The following PCDHGB3 variants were observed in gnomAD, a reference collection of about 807,000 sequenced individuals.
The protein encoded by PCDHGB3 is protocadherin gamma subfamily B, 3, also known as protocadherin gamma-B3.
Under a neutral mutation model 59.2 loss-of-function variants are expected in PCDHGB3, and 40 were observed. The ratio of observed to expected loss-of-function variants is 0.68; its 90% confidence interval spans 0.52 to 0.88. The LOEUF is 0.88. Ranked by LOEUF, PCDHGB3 falls within the 40% of genes least tolerant of loss-of-function variation. The probability of loss-of-function intolerance (pLI) is 0.00; values close to 1 mark genes in which losing one functional copy is unlikely to be tolerated. For missense variants in PCDHGB3, 1,309 were observed against 1,187.9 expected (o/e 1.10, Z -1.50); for synonymous variants, 581 against 503.6 (o/e 1.15, Z -2.06).
intron 2 of PCDHGB3, among the ~76,000 whole-genome samples, chr5:141,502,067 CCTTCACCTGGGG>C (rs1307097799): frequency 6.6e-6 from 1 of 152,172 alleles, no homozygotes; most frequent in Non-Finnish European, 1.5e-5. Flanking sequence ...CCATTAGCCC[CCTTCACCTGGGG>C]CTGAGAACAC....
rs372054375 is a variant in PCDHGB3, at chr5:141,490,825, A to T, written c.2416-3982A>T. 9 of 1,613,692 alleles carry T rather than the reference A, an allele frequency of 5.6e-6. No individual in the cohort carries two copies. The highest frequency in any genetic ancestry group is 3.3e-4 in the Middle Eastern group (2 of 6,062). On this transcript the variant is annotated intron_variant, in intron 1 of 3. Transcript: ENST00000576222. This position sits in a 1 kb window ranked among gnomAD's most constrained non-coding sequence, Gnocchi z 5.4. ...TACCTTTGACTATGAATTGCTGCAG[A>T]TGCTGCAGATTGTGGTGGGGGTTCG... is the stretch of plus-strand genomic sequence containing the variant.
At chr5:141,483,980 G>A (rs1379963326) in intron 1 of PCDHGB3, among the ~76,000 whole-genome samples, 4 of 148,294 alleles carry the variant, frequency 2.7e-5, no homozygotes, top group Non-Finnish European at 5.9e-5. Flanking sequence ...CAAGGGAGTA[G>A]CTAGGTTGCT....
At chr5:141,389,811 G>A in intron 1 of PCDHGB3, 1 of 1,613,822 alleles carries the variant, frequency 6.2e-7, no homozygotes, top group Non-Finnish European at 8.5e-7. Flanking sequence ...CCTTCTGGTC[G>A]CCGTGCGTGA....
intron 1 of PCDHGB3, chr5:141,393,821 G>A: frequency 6.2e-7 from 1 of 1,613,734 alleles, no homozygotes; most frequent in South Asian, 1.1e-5. Context: ...TGCTCATTTC[G>A]GTGGAAGATG....
chr5:141,508,540 G>A (rs993826709), intron 3 of PCDHGB3, among the ~76,000 whole-genome samples: 3 of 152,144 alleles, frequency 2.0e-5, no homozygotes, highest in African/African-American at 4.8e-5. Flanking sequence ...CCCCCCACGA[G>A]GTGGGCGGGG....
At chr5:141,376,137 A>G (rs1342753731) in intron 1 of PCDHGB3, 6 of 1,613,156 alleles carry the variant, frequency 3.7e-6, no homozygotes, top group South Asian at 1.1e-5. Context: ...GCCAAACCCA[A>G]CGATTCGGAC....
Position 141,370,773 on chromosome 5 carries a change from AACG to A in PCDHGB3, c.382_384del (p.Asp128del). 1.2e-6 allele frequency: 2 copies of A among 1,614,002 alleles called. No individual in the cohort carries two copies. Among genetic ancestry groups the A allele is most frequent in the Non-Finnish European group, 1.7e-6 (2 of 1,179,898 alleles). On this transcript the variant is annotated inframe_deletion, in exon 1 of 4. Transcript: ENST00000576222. ...TGTAACTGTGCTGATCCAGGATATT[AACG>A]ACAACCCACCGACCTTTAGCCAAAA...
chr5:141,410,645 A>G (rs755117096), intron 1 of PCDHGB3: 11 of 1,597,402 alleles, frequency 6.9e-6, no homozygotes, highest in Non-Finnish European at 9.3e-6. Flanking sequence ...TTTGTGTGTG[A>G]TTTATCTAAT....
chr5:141,399,665 A>T, intron 1 of PCDHGB3: 14 of 1,613,648 alleles, frequency 8.7e-6, no homozygotes, highest in Non-Finnish European at 1.2e-5. Flanking sequence ...GTGTTCGCGC[A>T]GCGCGCCTTT....
chr5:141,452,749 G>A (rs1453824335), intron 1 of PCDHGB3, among the ~76,000 whole-genome samples: 1 of 152,052 alleles, frequency 6.6e-6, no homozygotes, highest in African/African-American at 2.4e-5. Flanking sequence ...AGAGAAGGAA[G>A]AAGGAAGGGA....
chr5:141,376,711 G>A lies in PCDHGB3; in HGVS notation c.2415+3902G>A, dbSNP rs1369731526. 2.9e-5 allele frequency: 18 copies of A among 622,360 alleles called. No homozygotes were observed. The South Asian group carries it at 3.6e-4, about 12-fold the overall frequency. 38.6% of individuals were successfully genotyped at this position (622,360 alleles called of 1,614,324 possible). On this transcript the variant is annotated intron_variant, in intron 1 of 3. Coordinates refer to ENST00000576222, the MANE Select transcript of PCDHGB3 (RefSeq NM_018924.5). ...TTTTTTTTTTTTGAGACGGAGTCTC[G>A]CTCTGTCGCCCAGGCCGGACTGCGG...
chr5:141,486,728 G>T lies in PCDHGB3; in HGVS notation c.2416-8079G>T. On this transcript the variant is annotated intron_variant, in intron 1 of 3. Coordinates refer to ENST00000576222, the MANE Select transcript of PCDHGB3 (RefSeq NM_018924.5). This position sits in a 1 kb window ranked among gnomAD's most constrained non-coding sequence, Gnocchi z 5.0. Reference sequence around the variant, plus strand: ...GAACCCCCAGACAGGAGCTGTTCATGCTACTCGATCCTTTGACTATGAGCA... The same window carrying T: ...GAACCCCCAGACAGGAGCTGTTCATTCTACTCGATCCTTTGACTATGAGCA... The T allele has an allele frequency of 6.2e-7, 1 of 1,614,200 alleles. No individual in the cohort carries two copies. The highest frequency in any genetic ancestry group is 8.5e-7 in the Non-Finnish European group (1 of 1,180,052).
chr5:141,469,834 T>C (rs1228732202), intron 1 of PCDHGB3, among the ~76,000 whole-genome samples: 4 of 152,068 alleles, frequency 2.6e-5, no homozygotes, highest in African/African-American at 9.7e-5. Context: ...ACATAAAACT[T>C]ATTCTTAAGA....
Position 141,485,468 on chromosome 5 carries a change from A to G in PCDHGB3, c.2416-9339A>G. On this transcript the variant is annotated intron_variant, in intron 1 of 3. Coordinates refer to ENST00000576222, the MANE Select transcript of PCDHGB3 (RefSeq NM_018924.5). This position sits in a 1 kb window ranked among gnomAD's most constrained non-coding sequence, Gnocchi z 5.7. The stretch of plus-strand genomic sequence containing the variant: ...CGACCGAGAGGCACTGTGTGGGCTC[A>G]GTGCCAGCTGCATCGTGCCCCTGGA... 1 of 1,614,166 alleles carries G rather than the reference A, an allele frequency of 6.2e-7. No homozygotes were observed. Among genetic ancestry groups the G allele is most frequent in the Non-Finnish European group, 8.5e-7 (1 of 1,180,020 alleles).
In PCDHGB3 at chr5:141,490,794, C is replaced by G. The variant is rs763933771; in HGVS notation, c.2416-4013C>G. The G allele has an allele frequency of 5.0e-6, 8 of 1,613,976 alleles. No individual in the cohort carries two copies. In the South Asian group the frequency reaches 7.7e-5, roughly 16 times the overall value. ...ACCCAGAGGATGGACGGATCTTTGCCCAGCGTACCTTTGACTATGAATTGC... is the reference window on the plus strand; with the variant it reads ...ACCCAGAGGATGGACGGATCTTTGCGCAGCGTACCTTTGACTATGAATTGC... On this transcript the variant is annotated intron_variant, in intron 1 of 3. Transcript: ENST00000576222. The surrounding 1 kb of genome is among the most constrained non-coding windows in gnomAD (Gnocchi z 5.4).
At chr5:141,389,424 G>T in intron 1 of PCDHGB3, 1 of 1,613,510 alleles carries the variant, frequency 6.2e-7, no homozygotes, top group Non-Finnish European at 8.5e-7. Context: ...GGTGGTGTTC[G>T]CGCAGCGCGC....
At chr5:141,427,266 G>A (rs753905641) in intron 1 of PCDHGB3, 15 of 456,620 alleles carry the variant, frequency 3.3e-5, no homozygotes, top group Non-Finnish European at 5.7e-5. Context: ...CATGACCAGC[G>A]AATGTAAAAT....
chr5:141,403,598 G>A (rs2094431142), intron 1 of PCDHGB3: 1 of 1,613,702 alleles, frequency 6.2e-7, no homozygotes, highest in Non-Finnish European at 8.5e-7. Flanking sequence ...CACGGCCTCG[G>A]ATGGCGGCGA....
rs543657386 is a variant in PCDHGB3, at chr5:141,370,919, T to C, written c.525T>C (p.Asp175=). 135 of 1,613,966 alleles carry C rather than the reference T, an allele frequency of 8.4e-5. No homozygotes were observed. The South Asian group carries it at 1.4e-3, about 17-fold the overall frequency. Residue 175 remains aspartate, a synonymous_variant, in exon 1 of 4, where the codon GAT becomes GAC. Coordinates refer to ENST00000576222, the MANE Select transcript of PCDHGB3 (RefSeq NM_018924.5). ...NSLQQYYLSP[D]PHFSLIQKEN... ...TGCAGCAGTACTACCTCAGCCCTGA[T>C]CCGCACTTCTCTTTGATTCAGAAGG... is the stretch of plus-strand genomic sequence containing the variant.
Sources: allele counts gnomAD v4.1 joint callset (sites outside exome capture counted in the v4.1 genomes callset), GRCh38; gene constraint gnomAD v4.1.1; non-coding constraint Gnocchi (gnomAD v3.1); transcripts MANE v1.5; gene names NCBI Gene and HGNC (gene_info 2026-07-23, HGNC 2026-07-21).